The following KITLG variants were observed in gnomAD, a reference collection of about 807,000 sequenced individuals.
KITLG encodes KIT ligand.
A neutral mutation model predicts 34.1 loss-of-function variants in KITLG; 13 were observed. The ratio of observed to expected loss-of-function variants is 0.38; its 90% confidence interval spans 0.25 to 0.61. KITLG has a LOEUF of 0.61. KITLG is among the 20% of genes least tolerant of loss of function. KITLG has a pLI of 0.60. For missense variants in KITLG, 292 were observed against 318.9 expected (o/e 0.92, Z 0.64); for synonymous variants, 110 against 104.0 (o/e 1.06, Z -0.35).
intron 1 of KITLG, among the ~76,000 whole-genome samples, chr12:88,569,999 A>G (rs4638377): frequency 0.75 from 114,019 of 152,158 alleles, 47,762 homozygotes; most frequent in Middle Eastern, 0.93. Context: ...TTATCAAATA[A>G]TTTCCTAATA....
At chr12:88,504,613 A>C (rs939497181) in intron 9 of KITLG, among the ~76,000 whole-genome samples, 8 of 152,166 alleles carry the variant, frequency 5.3e-5, no homozygotes, top group African/African-American at 1.9e-4. Context: ...GTCAGGAAAC[A>C]ACAGGTGCTG....
Position 88,505,140 on chromosome 12 carries a change from AAAG to A in KITLG, c.*37+16_*37+18del. 1 of 1,306,118 alleles carries A rather than the reference AAAG, an allele frequency of 7.7e-7. No individual in the cohort carries two copies. Among genetic ancestry groups the A allele is most frequent in the Non-Finnish European group, 1.1e-6 (1 of 911,584 alleles). The allele number at this position is 1,306,118 out of a possible 1,614,324, so 80.9% of individuals were successfully genotyped here. On this transcript the variant is annotated intron_variant, in intron 9 of 9. Transcript: ENST00000644744. ...ATAATAAAAAAAAGAAAAAAAAAGG[AAAG>A]AAGAAAAAAACTTACCAATGTACGA...
chr12:88,544,511 T>TA (rs397757323), intron 2 of KITLG, among the ~76,000 whole-genome samples: 95,399 of 146,972 alleles, frequency 0.65, 34,494 homozygotes, highest in Middle Eastern at 0.84. Context: ...AGTATGTTTT[T>TA]AAAAAAAAAA....
At chr12:88,568,317 ATTTAT>A (rs1175060328) in intron 1 of KITLG, among the ~76,000 whole-genome samples, 1 of 148,972 alleles carries the variant, frequency 6.7e-6, no homozygotes, top group African/African-American at 2.5e-5. Context: ...TTATTTATTT[ATTTAT>A]TTTATTTATA....
At chr12:88,550,132 T>C (rs758479574) in intron 1 of KITLG, among the ~76,000 whole-genome samples, 4 of 152,038 alleles carry the variant, frequency 2.6e-5, no homozygotes, top group Non-Finnish European at 4.4e-5. Context: ...CCAGAAACAG[T>C]GAGTATGAAC....
At chr12:88,565,154 AC>A (rs1871403975) in intron 1 of KITLG, among the ~76,000 whole-genome samples, 2 of 152,220 alleles carry the variant, frequency 1.3e-5, no homozygotes, top group South Asian at 4.1e-4. Flanking sequence ...TTAGACAAAG[AC>A]TATACATCTC....
intron 1 of KITLG, among the ~76,000 whole-genome samples, chr12:88,562,420 T>C (rs566083393): frequency 1.3e-5 from 2 of 152,336 alleles, no homozygotes; most frequent in East Asian, 3.9e-4. Context: ...ATCTGTTTCT[T>C]ACACTTGACT....
chr12:88,506,303 C>A lies in KITLG; in HGVS notation c.782+8G>T, dbSNP rs756399993. 1.9e-6 allele frequency: 3 copies of A among 1,591,340 alleles called. No homozygotes were observed. Among genetic ancestry groups the A allele is most frequent in the Non-Finnish European group, 2.6e-6 (3 of 1,159,564 alleles). The stretch of plus-strand genomic sequence containing the variant: ...TTGATTGGGCACACATTTAGCAAAA[C>A]AAAATACCTTATCTCATTATCCTCT... On this transcript the variant is annotated splice_region_variant and intron_variant, in intron 8 of 9. Transcript: ENST00000644744.
intron 3 of KITLG, among the ~76,000 whole-genome samples, chr12:88,523,883 A>C (rs1166454761): frequency 6.6e-6 from 1 of 152,184 alleles, no homozygotes; most frequent in African/African-American, 2.4e-5. Flanking sequence ...GTTTGAATTA[A>C]AGTGCCGTAG....
chr12:88,548,989 TA>T (rs1218943606), intron 1 of KITLG, among the ~76,000 whole-genome samples: 1 of 152,126 alleles, frequency 6.6e-6, no homozygotes, highest in East Asian at 1.9e-4. Flanking sequence ...AGTGTCTCAT[TA>T]AGAAGACAAA....
At chr12:88,563,984 G>T (rs1392979207) in intron 1 of KITLG, among the ~76,000 whole-genome samples, 1 of 151,784 alleles carries the variant, frequency 6.6e-6, no homozygotes, top group African/African-American at 2.4e-5. Flanking sequence ...AAAGAAAAAA[G>T]GATGTAGGAC....
intron 1 of KITLG, among the ~76,000 whole-genome samples, chr12:88,557,570 G>C (rs1387111362): frequency 6.6e-6 from 1 of 152,104 alleles, no homozygotes. Flanking sequence ...CTAGAAAACT[G>C]ATGGGTACTA....
At chr12:88,513,624 T>G (rs1869359204) in intron 6 of KITLG, among the ~76,000 whole-genome samples, 1 of 151,626 alleles carries the variant, frequency 6.6e-6, no homozygotes, top group East Asian at 1.9e-4. Flanking sequence ...TGCTCTAATA[T>G]CAGACAAAAT....
At chr12:88,527,621 A>T (rs1869926252) in intron 3 of KITLG, among the ~76,000 whole-genome samples, 1 of 152,214 alleles carries the variant, frequency 6.6e-6, no homozygotes. Flanking sequence ...AACTTTGAGA[A>T]GGAGAAGGAT....
chr12:88,544,658 C>A lies in KITLG; in HGVS notation c.129+1094G>T, dbSNP rs562523998. 2.0e-5 allele frequency among the ~76,000 whole-genome samples: 3 copies of A among 152,178 alleles called. No homozygotes were observed. The South Asian group carries it at 6.2e-4, about 32-fold the overall frequency. On this transcript the variant is annotated intron_variant, in intron 2 of 9. Coordinates refer to ENST00000644744, the MANE Select transcript of KITLG (RefSeq NM_000899.5). ...TCTGCTGCTGCTGCATGGAAGAATG[C>A]TTTTAAACCTGAACTCTCTGGGTCC...
intron 6 of KITLG, among the ~76,000 whole-genome samples, chr12:88,511,031 T>C (rs556813132): frequency 6.6e-6 from 1 of 152,282 alleles, no homozygotes; most frequent in South Asian, 2.1e-4. Flanking sequence ...TGACATCACC[T>C]AGCTAAAAGT....
At chr12:88,578,266 A>T (rs942121173) in intron 1 of KITLG, among the ~76,000 whole-genome samples, 1 of 152,112 alleles carries the variant, frequency 6.6e-6, no homozygotes, top group African/African-American at 2.4e-5. Flanking sequence ...CTTAAAAAAA[A>T]CCTTGAAGGT....
intron 3 of KITLG, among the ~76,000 whole-genome samples, chr12:88,524,019 G>A (rs1779658115): frequency 6.6e-6 from 1 of 152,208 alleles, no homozygotes; most frequent in Non-Finnish European, 1.5e-5. Flanking sequence ...CAGCACAGGG[G>A]TTTGGGGAGT....
Position 88,523,077 on chromosome 12 carries a change from T to C in KITLG, c.193-4210A>G, listed in dbSNP as rs182137481. On this transcript the variant is annotated intron_variant, in intron 3 of 9. Coordinates refer to ENST00000644744, the MANE Select transcript of KITLG (RefSeq NM_000899.5). Reference sequence around the variant, plus strand: ...CATTACCACCCAGTTTGTTTTTGTTTTACTTTCTTTAATTCGTGTCAAACT... The same window carrying C: ...CATTACCACCCAGTTTGTTTTTGTTCTACTTTCTTTAATTCGTGTCAAACT... Among the ~76,000 whole-genome samples, 4 of 152,344 alleles carry C rather than the reference T, an allele frequency of 2.6e-5. No individual in the cohort carries two copies. In the East Asian group the frequency reaches 7.7e-4, roughly 29 times the overall value.
Sources: gnomAD v4.1 joint callset for allele counts (sites outside exome capture counted in the v4.1 genomes callset) on GRCh38, gnomAD v4.1.1 for gene constraint, MANE v1.5 for transcripts, NCBI Gene and HGNC (gene_info 2026-07-23, HGNC 2026-07-21) for gene names.